RYR2: variants seen among roughly 807,000 people sequenced by gnomAD.
The protein encoded by RYR2 is cardiac muscle ryanodine receptor-calcium release channel.
Under a neutral mutation model 601.1 loss-of-function variants are expected in RYR2, and 227 were observed. The observed-to-expected ratio is 0.38, with a 90% CI of 0.34 to 0.42. RYR2 has a LOEUF of 0.42. Among genes scored for constraint, RYR2 ranks in the 10% least tolerant of loss-of-function variants. The pLI, the probability that RYR2 is intolerant of heterozygous loss-of-function variation, is 1.00. For synonymous variants in RYR2, 2,223 were observed against 2,175.1 expected, an observed-to-expected ratio of 1.02 and a Z score of -0.61; for missense variants, 4,646 against 6,156.5, an observed-to-expected ratio of 0.75 and a Z score of 8.21.
At chr1:237,795,651 A>G (rs1240432662) in intron 96 of RYR2, among the ~76,000 whole-genome samples, 1 of 151,440 alleles carries the variant, frequency 6.6e-6, no homozygotes. Flanking sequence ...GGGTTTCGCC[A>G]TGTTGGCCTG....
chr1:237,374,355 T>C (rs1208627012), intron 6 of RYR2, among the ~76,000 whole-genome samples: 1 of 149,980 alleles, frequency 6.7e-6, no homozygotes, highest in Non-Finnish European at 1.5e-5. Context: ...ATCTCATCTC[T>C]ATGGAAAAAA....
In RYR2 at chr1:237,623,725, C is replaced by G. The variant is rs371954372; in HGVS notation, c.5917-40C>G. 3.5e-5 allele frequency: 47 copies of G among 1,347,426 alleles called. 2 individuals carry two copies. The South Asian group carries it at 4.4e-4, about 13-fold the overall frequency. The allele number at this position is 1,347,426 out of a possible 1,614,324, so 83.5% of individuals were successfully genotyped here. On this transcript the variant is annotated intron_variant, in intron 38 of 104. Transcript: ENST00000366574. ...CCATTCTTGAATTCACCTTTCTTTT[C>G]TTCCTCCTTCTTCCTCTTTCTTGTT...
At chr1:237,376,623 T>A (rs542486666) in intron 7 of RYR2, among the ~76,000 whole-genome samples, 7 of 152,260 alleles carry the variant, frequency 4.6e-5, no homozygotes, top group African/African-American at 1.4e-4. Flanking sequence ...GCTTCTATGT[T>A]AGGTATTGGG....
intron 1 of RYR2, among the ~76,000 whole-genome samples, chr1:237,142,273 G>T (rs1454441037): frequency 6.6e-6 from 1 of 152,222 alleles, no homozygotes; most frequent in Non-Finnish European, 1.5e-5. Context: ...AGTTTGCCAG[G>T]AGCTTGTATG....
At chr1:237,120,414 C>T (rs1259936945) in intron 1 of RYR2, among the ~76,000 whole-genome samples, 5 of 152,234 alleles carry the variant, frequency 3.3e-5, no homozygotes, top group East Asian at 1.9e-4. Context: ...GCTGGCTCAT[C>T]GTTAAAATGC....
chr1:237,686,126 G>T (rs1198490976), intron 62 of RYR2, among the ~76,000 whole-genome samples: 2 of 152,170 alleles, frequency 1.3e-5, no homozygotes, highest in African/African-American at 4.8e-5. Context: ...CTGGGGAGCT[G>T]CACGTTTGAT....
intron 1 of RYR2, among the ~76,000 whole-genome samples, chr1:237,196,652 C>T (rs1680603558): frequency 6.6e-6 from 1 of 152,046 alleles, no homozygotes; most frequent in South Asian, 2.1e-4. Flanking sequence ...CAAGTCTGGG[C>T]CAGTATCACA....
intron 1 of RYR2, among the ~76,000 whole-genome samples, chr1:237,093,249 G>T (rs1667161360): frequency 1.3e-5 from 2 of 152,164 alleles, no homozygotes; most frequent in South Asian, 2.1e-4. Flanking sequence ...AACCTGATGG[G>T]AGGCTCCCTG....
At chr1:237,359,678 C>T (rs1699607910) in intron 4 of RYR2, among the ~76,000 whole-genome samples, 1 of 152,154 alleles carries the variant, frequency 6.6e-6, no homozygotes, top group Non-Finnish European at 1.5e-5. Flanking sequence ...TAATTCCCTT[C>T]CTGCCTTCAT....
At position 237,283,099 on chromosome 1, in the gene RYR2, C is replaced by T. The variant is rs79814936; in HGVS notation, c.168+12483C>T. 3.9e-3 allele frequency among the ~76,000 whole-genome samples: 598 copies of T among 152,306 alleles called. 3 individuals carry two copies. The highest frequency in any genetic ancestry group is 0.014 in the African/African-American group (562 of 41,558). On this transcript the variant is annotated intron_variant, in intron 2 of 104. Transcript: ENST00000366574. ...CATGCCTTTGGATATACTCTGTTCT[C>T]GCTCTTCCTGGAAGACCCTTGCGCG...
chr1:237,277,239 A>T (rs545322757), intron 2 of RYR2, among the ~76,000 whole-genome samples: 29 of 152,280 alleles, frequency 1.9e-4, no homozygotes, highest in African/African-American at 6.5e-4. Context: ...ATAATAAAAT[A>T]CCTCCTTAAC....
intron 45 of RYR2, 47 bp downstream of exon 45, chr1:237,638,539 A>T: frequency 6.3e-7 from 1 of 1,589,922 alleles, no homozygotes; most frequent in Non-Finnish European, 8.6e-7. Flanking sequence ...TTAAAACTGC[A>T]TAGAGATATA....
chr1:237,064,029 T>A (rs1663221835), intron 1 of RYR2, among the ~76,000 whole-genome samples: 1 of 152,144 alleles, frequency 6.6e-6, no homozygotes. Context: ...GCTTGGTATT[T>A]TTCATTCATT....
chr1:237,156,863 C>A (rs746384817), intron 1 of RYR2, among the ~76,000 whole-genome samples: 1 of 152,122 alleles, frequency 6.6e-6, no homozygotes, highest in East Asian at 1.9e-4. Flanking sequence ...GTTAAAATGG[C>A]GCTTATCAAA....
At chr1:237,550,820 T>C in intron 27 of RYR2, 129 bp downstream of exon 27, 1 of 1,032,544 alleles carries the variant, frequency 9.7e-7, no homozygotes, top group Non-Finnish European at 1.4e-6. Context: ...TTCAGCCAAG[T>C]GGATTTTCTT....
At chr1:237,425,283 A>G (rs1295158444) in intron 12 of RYR2, among the ~76,000 whole-genome samples, 2 of 151,982 alleles carry the variant, frequency 1.3e-5, no homozygotes, top group Non-Finnish European at 2.9e-5. Flanking sequence ...AACGCACACA[A>G]CCTTGCAACA....
At chr1:237,680,995 A>C (rs952456041) in intron 62 of RYR2, among the ~76,000 whole-genome samples, 1 of 152,192 alleles carries the variant, frequency 6.6e-6, no homozygotes, top group African/African-American at 2.4e-5. Flanking sequence ...AATAATGACC[A>C]ATGTTGGAAG....
intron 62 of RYR2, among the ~76,000 whole-genome samples, chr1:237,682,174 G>A (rs1010701455): frequency 2.0e-5 from 3 of 152,022 alleles, no homozygotes; most frequent in Admixed American, 6.6e-5. Flanking sequence ...GGGTATATAT[G>A]ATCTGTATTT....
intron 1 of RYR2, among the ~76,000 whole-genome samples, chr1:237,215,716 T>C (rs764676563): frequency 1.2e-4 from 18 of 152,302 alleles, no homozygotes; most frequent in Non-Finnish European, 2.4e-4. Flanking sequence ...TTTTGGGATA[T>C]GGTAGGTACT....
Sources: allele counts gnomAD v4.1 joint callset (sites outside exome capture counted in the v4.1 genomes callset), GRCh38; gene constraint gnomAD v4.1.1; transcripts MANE v1.5; gene names NCBI Gene and HGNC (gene_info 2026-07-23, HGNC 2026-07-21).